CIB1: variants seen among roughly 807,000 people sequenced by gnomAD.
The protein encoded by CIB1 is calcium and integrin binding 1, also known as calcium and integrin-binding protein 1.
CIB1 carries 19 observed loss-of-function variants against 25.0 expected under a neutral mutation model. The ratio of observed to expected loss-of-function variants is 0.76; its 90% CI spans 0.53 to 1.12. The LOEUF (loss-of-function observed/expected upper bound fraction) is 1.12. Among genes scored for constraint, CIB1 ranks in the 50% most tolerant of loss-of-function variants. The probability of loss-of-function intolerance (pLI) is 0.00; values close to 1 mark genes in which losing one functional copy is unlikely to be tolerated. For synonymous variants in CIB1, 104 were observed against 98.5 expected (o/e 1.06, Z -0.33); for missense variants, 236 against 242.6 (o/e 0.97, Z 0.18).
chr15:90,261,921 G>A, the CIB1 span: 1 of 1,124,028 alleles, frequency 8.9e-7, no homozygotes, highest in African/African-American at 1.6e-5. Flanking sequence ...CCAGCAGGAG[G>A]GTCTCCAAAC....
At chr15:90,258,610 A>G in the CIB1 span, 1 of 756,166 alleles carries the variant, frequency 1.3e-6, no homozygotes, top group Non-Finnish European at 2.2e-6. Context: ...TGGCCTTGGA[A>G]GCCAGAGCAT....
chr15:90,233,798 C>T, intron 1 of CIB1, 37 bp downstream of exon 1: 1 of 1,550,742 alleles, frequency 6.4e-7, no homozygotes, highest in Non-Finnish European at 8.7e-7. Context: ...AGAAGAGGCC[C>T]GCACGCGAGC....
rs1195681515 is a variant in CIB1, at chr15:90,230,487, C to A, written c.573G>T (p.Leu191=). The change falls in exon 7 of 7, where the codon CTG becomes CTT. Residue 191 remains leucine (L), a synonymous_variant. Coordinates refer to ENST00000328649, the MANE Select transcript of CIB1 (RefSeq NM_006384.4). ...PDFASSFKIV[L] ...AGGACACACGCTGGGGCTGCTGTCA[C>A]AGGACAATCTTAAAGGAGCTGAACA... is the stretch of plus-strand genomic sequence containing the variant. The A allele has an allele frequency of 6.4e-7, 1 of 1,551,674 alleles. No homozygotes were observed. Among genetic ancestry groups the A allele is most frequent in the South Asian group, 1.2e-5 (1 of 84,062 alleles).
chr15:90,262,727 A>G, the CIB1 span: 3 of 1,408,966 alleles, frequency 2.1e-6, no homozygotes, highest in Non-Finnish European at 2.8e-6. Context: ...GGACAACTAG[A>G]TAGGGGAATG....
the CIB1 span, chr15:90,245,228 G>A: frequency 3.3e-5 from 5 of 152,234 alleles, no homozygotes; most frequent in Admixed American, 6.5e-5. Context: ...TGTAATCCCA[G>A]CACTTTGGGA....
At chr15:90,258,856 G>A in the CIB1 span, 2 of 1,614,212 alleles carry the variant, frequency 1.2e-6, no homozygotes, top group Middle Eastern at 1.6e-4. Context: ...ACAAAAGGAA[G>A]GTGATGGAGG....
chr15:90,252,654 G>A, the CIB1 span, among the ~76,000 whole-genome samples: 11 of 152,132 alleles, frequency 7.2e-5, no homozygotes, highest in African/African-American at 2.2e-4. Flanking sequence ...GTGCCAGTGT[G>A]ACCCCACCTA....
the CIB1 span, chr15:90,257,702 T>C: frequency 6.2e-7 from 1 of 1,614,200 alleles, no homozygotes; most frequent in Non-Finnish European, 8.5e-7. Context: ...TTGTCCGGGA[T>C]GGCGCTGTGG....
chr15:90,258,367 A>T, the CIB1 span: 3 of 1,055,302 alleles, frequency 2.8e-6, no homozygotes, highest in East Asian at 4.7e-5. Flanking sequence ...GGAACACAGA[A>T]TGGGAGATGT....
At chr15:90,235,379 A>C (rs188940195), upstream of CIB1, among the ~76,000 whole-genome samples, 64 of 152,306 alleles carry the variant, frequency 4.2e-4, no homozygotes, top group Admixed American at 1.8e-3. Context: ...CAGCATGGCC[A>C]ACATGGCAAA....
At chr15:90,259,851 T>C in the CIB1 span, among the ~76,000 whole-genome samples, 13 of 152,234 alleles carry the variant, frequency 8.5e-5, no homozygotes, top group Non-Finnish European at 2.9e-5. Flanking sequence ...ACATGGTAAC[T>C]GGTCACCGAT....
the CIB1 span, chr15:90,258,889 A>G: frequency 6.2e-7 from 1 of 1,614,178 alleles, no homozygotes; most frequent in Non-Finnish European, 8.5e-7. Flanking sequence ...GAGTCAAGGA[A>G]CGGCTTTTCC....
the CIB1 span, among the ~76,000 whole-genome samples, chr15:90,261,294 G>C: frequency 6.0e-5 from 9 of 150,672 alleles, no homozygotes; most frequent in African/African-American, 2.2e-4. Context: ...GGCCAGGCTG[G>C]TCTCGAATTC....
chr15:90,252,292 C>T, the CIB1 span, among the ~76,000 whole-genome samples: 1 of 152,040 alleles, frequency 6.6e-6, no homozygotes, highest in Admixed American at 6.6e-5. Context: ...CCACCTCAGC[C>T]TCCCAAAGTG....
At chr15:90,236,574 A>G (rs1962640622), upstream of CIB1, among the ~76,000 whole-genome samples, 1 of 151,892 alleles carries the variant, frequency 6.6e-6, no homozygotes, top group African/African-American at 2.4e-5. Context: ...TCACTCTGTC[A>G]CCAGGCTGGA....
the CIB1 span, chr15:90,265,742 C>T: frequency 5.4e-5 from 87 of 1,613,116 alleles, no homozygotes; most frequent in East Asian, 2.0e-4. Flanking sequence ...TCTTGCTGGG[C>T]GGGCGCGTTT....
the CIB1 span, chr15:90,262,781 G>A: frequency 4.9e-6 from 6 of 1,233,524 alleles, no homozygotes; most frequent in African/African-American, 9.1e-5. Context: ...AGAGAGAGGA[G>A]TTCCTAATCA....
At chr15:90,250,442 C>T in the CIB1 span, among the ~76,000 whole-genome samples, 1 of 152,156 alleles carries the variant, frequency 6.6e-6, no homozygotes, top group Non-Finnish European at 1.5e-5. Context: ...CACCCCCATG[C>T]ACCTCCACCT....
At position 90,232,223 on chromosome 15, in the gene CIB1, A is replaced by G. The variant is rs2151635517; in HGVS notation, c.191T>C (p.Leu64Pro). 3 of 1,609,134 alleles carry G rather than the reference A, an allele frequency of 1.9e-6. No homozygotes were observed. Among genetic ancestry groups the G allele is most frequent in the Middle Eastern group, 1.7e-4 (1 of 6,044 alleles). The part of the protein sequence containing the change: ...PFEQILSLPE[L>P]KANPFKERIC... ...AAAGGAGGGGAGCGCTTGCACCTTG[A>G]GCTCTGGAAGGCTGAGAATCTGCTC... Residue 64 changes from leucine (L) to proline (P), a missense_variant, in exon 3 of 7, where the codon CTC (leucine) becomes CCC (proline). Leu to Pro is a moderately conservative substitution (Grantham distance 98, BLOSUM62 -3). Coordinates refer to ENST00000328649, the MANE Select transcript of CIB1 (RefSeq NM_006384.4).
Sources: allele counts gnomAD v4.1 joint callset (sites outside exome capture counted in the v4.1 genomes callset), GRCh38; gene constraint gnomAD v4.1.1; transcripts MANE v1.5; gene names NCBI Gene and HGNC (gene_info 2026-07-23, HGNC 2026-07-21).